The following TRPM3 variants were observed in gnomAD, a reference collection of about 807,000 sequenced individuals.
The protein encoded by TRPM3 is long transient receptor potential channel 3.
A neutral mutation model predicts 181.2 loss-of-function variants in TRPM3; 77 were observed. The observed-to-expected ratio is 0.42, with a 90% CI of 0.35 to 0.51. The LOEUF is 0.51. TRPM3 is among the 20% of genes least tolerant of loss of function. TRPM3 has a pLI of 0.01. For missense variants in TRPM3, 1,759 were observed against 2,196.7 expected (o/e 0.80, Z 3.98); for synonymous variants, 745 against 796.4 (o/e 0.94, Z 1.09).
intron 1 of TRPM3, among the ~76,000 whole-genome samples, chr9:71,308,153 G>C (rs2087553944): frequency 6.6e-6 from 1 of 151,198 alleles, no homozygotes; most frequent in African/African-American, 2.4e-5. Flanking sequence ...TATTTTTGGT[G>C]GTGAGCCACC....
At chr9:71,098,513 A>G (rs764337332) in intron 1 of TRPM3, among the ~76,000 whole-genome samples, 1 of 152,152 alleles carries the variant, frequency 6.6e-6, no homozygotes, top group Non-Finnish European at 1.5e-5. Flanking sequence ...AGTAGTGAGT[A>G]TATGCAGTGG....
intron 1 of TRPM3, among the ~76,000 whole-genome samples, chr9:71,252,279 G>T (rs542900924): frequency 1.9e-4 from 29 of 151,970 alleles, no homozygotes; most frequent in Admixed American, 3.9e-4. Flanking sequence ...AAAATCTGCT[G>T]CTCAGCCCTT....
chr9:70,871,765 A>C (rs910277063), intron 1 of TRPM3, among the ~76,000 whole-genome samples: 1 of 152,026 alleles, frequency 6.6e-6, no homozygotes, highest in Non-Finnish European at 1.5e-5. Context: ...GTTTAGAGTG[A>C]ATGTAATTTG....
chr9:70,564,386 T>C (rs575950724), intron 22 of TRPM3, among the ~76,000 whole-genome samples: 84 of 152,294 alleles, frequency 5.5e-4, no homozygotes, highest in African/African-American at 2.0e-3. Flanking sequence ...GAGGCACCCC[T>C]TCCCCTGTAG....
intron 1 of TRPM3, among the ~76,000 whole-genome samples, chr9:71,223,395 C>G (rs1426582605): frequency 6.6e-6 from 1 of 152,172 alleles, no homozygotes; most frequent in Admixed American, 6.5e-5. Flanking sequence ...GAATAACCAG[C>G]AGCAATAGTC....
intron 1 of TRPM3, among the ~76,000 whole-genome samples, chr9:71,264,954 G>T (rs2083288424): frequency 1.3e-5 from 2 of 152,170 alleles, no homozygotes; most frequent in South Asian, 4.1e-4. Context: ...TGGTGCGTGG[G>T]TGTGTCATTT....
chr9:71,327,427 G>C (rs939882501), intron 1 of TRPM3, among the ~76,000 whole-genome samples: 20 of 152,144 alleles, frequency 1.3e-4, no homozygotes, highest in African/African-American at 4.8e-4. Context: ...CTTCAGAAGA[G>C]AGGTGGTGGT....
intron 1 of TRPM3, among the ~76,000 whole-genome samples, chr9:71,181,677 G>T (rs919566028): frequency 6.6e-6 from 1 of 152,010 alleles, no homozygotes; most frequent in Non-Finnish European, 1.5e-5. Flanking sequence ...ACAAAAAAGT[G>T]ATGTCAAATT....
At position 71,031,046 on chromosome 9, in the gene TRPM3, C is replaced by T. The variant is rs1177022777; in HGVS notation, c.177+90132G>A. On this transcript the variant is annotated intron_variant, in intron 1 of 25. Coordinates refer to ENST00000677713, the MANE Select transcript of TRPM3 (RefSeq NM_001366145.2). Reference sequence around the variant, plus strand: ...TAGATAATATCTTGGGCTGCTACTGCTCCTCACTGCAGAATTAAAATGCTG... The same window carrying T: ...TAGATAATATCTTGGGCTGCTACTGTTCCTCACTGCAGAATTAAAATGCTG... Among the ~76,000 whole-genome samples the T allele has an allele frequency of 3.9e-5, 6 of 152,256 alleles. No individual in the cohort carries two copies. The South Asian group carries it at 8.3e-4, about 21-fold the overall frequency.
At chr9:71,099,005 C>A (rs1565191869) in intron 1 of TRPM3, among the ~76,000 whole-genome samples, 1 of 152,316 alleles carries the variant, frequency 6.6e-6, no homozygotes, top group South Asian at 2.1e-4. Context: ...TTCCCTAATA[C>A]TTTGGCTTCA....
intron 1 of TRPM3, among the ~76,000 whole-genome samples, chr9:71,036,601 T>C (rs1007623600): frequency 1.3e-5 from 2 of 152,242 alleles, no homozygotes; most frequent in Non-Finnish European, 2.9e-5. Flanking sequence ...TTTGAAGGAA[T>C]AGGGGAACCC....
chr9:70,822,239 A>C (rs370099841), intron 6 of TRPM3, among the ~76,000 whole-genome samples: 2 of 152,260 alleles, frequency 1.3e-5, no homozygotes, highest in East Asian at 3.9e-4. Flanking sequence ...GCTTCTCAAA[A>C]ACTTTGTACA....
chr9:71,231,697 C>T (rs1005918728), intron 1 of TRPM3, among the ~76,000 whole-genome samples: 1 of 152,184 alleles, frequency 6.6e-6, no homozygotes, highest in Non-Finnish European at 1.5e-5. Context: ...CTAAATACTG[C>T]ATGTTCTCAC....
At chr9:70,759,174 T>C (rs966426566) in intron 8 of TRPM3, among the ~76,000 whole-genome samples, 1 of 152,124 alleles carries the variant, frequency 6.6e-6, no homozygotes, top group Non-Finnish European at 1.5e-5. Context: ...GGGCAAAGGA[T>C]ATGAACAGAC....
chr9:71,130,864 T>G (rs1001754721), intron 1 of TRPM3, among the ~76,000 whole-genome samples: 1 of 152,214 alleles, frequency 6.6e-6, no homozygotes, highest in Non-Finnish European at 1.5e-5. Context: ...TCATAATTAT[T>G]GTTTTAGTAA....
intron 1 of TRPM3, among the ~76,000 whole-genome samples, chr9:71,261,229 T>C (rs552595851): frequency 1.3e-5 from 2 of 152,222 alleles, no homozygotes; most frequent in Non-Finnish European, 2.9e-5. Context: ...TCTAATCTTG[T>C]CTTCACATTT....
In TRPM3 at chr9:71,291,895, T is replaced by G. The variant is rs190788696; in HGVS notation, c.183+154758A>C. Among the ~76,000 whole-genome samples, 12 of 152,188 alleles carry G rather than the reference T, an allele frequency of 7.9e-5. No homozygotes were observed. In the East Asian group the frequency reaches 2.3e-3, roughly 29 times the overall value. ...ATTTTTCTCAAGTTCAGATGGGACA[T>G]TTAGGAAAATGATTGCAAATTAGAA... On this transcript the variant is annotated intron_variant, in intron 1 of 24. Transcript: ENST00000357533.
intron 1 of TRPM3, among the ~76,000 whole-genome samples, chr9:71,038,770 A>G (rs889626038): frequency 1.2e-4 from 19 of 152,118 alleles, no homozygotes; most frequent in Non-Finnish European, 1.8e-4. Flanking sequence ...TTTCTGCAGA[A>G]GTCATATTTA....
At chr9:70,575,055 C>T (rs1023061426) in intron 22 of TRPM3, among the ~76,000 whole-genome samples, 8 of 151,698 alleles carry the variant, frequency 5.3e-5, no homozygotes, top group Non-Finnish European at 8.8e-5. Context: ...TATTCTTCCA[C>T]CTCAACCTCT....
Sources: gnomAD v4.1 joint callset for allele counts (sites outside exome capture counted in the v4.1 genomes callset) on GRCh38, gnomAD v4.1.1 for gene constraint, MANE v1.5 for transcripts, NCBI Gene and HGNC (gene_info 2026-07-23, HGNC 2026-07-21) for gene names.